Variants in TCF7L2 observed in about 807,000 individuals in gnomAD.
The protein encoded by TCF7L2 is transcription factor 7-like 2.
Under a neutral mutation model 77.9 loss-of-function variants are expected in TCF7L2, and 23 were observed. That is an observed-to-expected ratio of 0.30 (90% CI 0.21 to 0.42). The LOEUF (loss-of-function observed/expected upper bound fraction) is 0.42. Ranked by LOEUF, TCF7L2 falls within the 10% of genes least tolerant of loss-of-function variation. TCF7L2 has a pLI of 1.00. For missense variants in TCF7L2, 654 were observed against 793.1 expected, an observed-to-expected ratio of 0.82 and a Z score of 2.11; for synonymous variants, 413 against 340.2, an observed-to-expected ratio of 1.21 and a Z score of -2.36.
intron 5 of TCF7L2, among the ~76,000 whole-genome samples, chr10:113,053,541 C>T (rs560399744): frequency 2.9e-4 from 44 of 152,194 alleles, no homozygotes; most frequent in African/African-American, 4.3e-4. Flanking sequence ...AATGATAGAC[C>T]GGAGCTTTGG....
intron 5 of TCF7L2, among the ~76,000 whole-genome samples, chr10:113,124,467 A>G (rs1007524961): frequency 6.6e-6 from 1 of 152,140 alleles, no homozygotes; most frequent in African/African-American, 2.4e-5. Flanking sequence ...TTAAAATACG[A>G]AAAGGGGGGT....
intron 5 of TCF7L2, among the ~76,000 whole-genome samples, chr10:113,051,284 C>G (rs1409211879): frequency 2.0e-5 from 3 of 151,778 alleles, no homozygotes. Context: ...ATGGAGGACC[C>G]TCATTTGTAG....
intron 11 of TCF7L2, among the ~76,000 whole-genome samples, chr10:113,152,699 A>G (rs904438466): frequency 1.3e-5 from 2 of 152,102 alleles, no homozygotes; most frequent in African/African-American, 2.4e-5. Flanking sequence ...CTCAGGACCA[A>G]TGAGGTTGAT....
intron 5 of TCF7L2, among the ~76,000 whole-genome samples, chr10:113,070,846 G>T (rs113743540): frequency 0.011 from 1,621 of 152,252 alleles, 12 homozygotes; most frequent in South Asian, 0.025. Flanking sequence ...GGTTGTAGTA[G>T]ATTCAGGAGT....
At chr10:113,129,223 G>T in intron 5 of TCF7L2, 1 of 759,884 alleles carries the variant, frequency 1.3e-6, no homozygotes, top group Non-Finnish European at 1.6e-6. Context: ...CTCTCCCATC[G>T]CAGCCCTCTC....
intron 13 of TCF7L2, among the ~76,000 whole-genome samples, chr10:113,165,132 C>T (rs149973845): frequency 2.0e-3 from 304 of 152,200 alleles, no homozygotes; most frequent in African/African-American, 7.0e-3. Flanking sequence ...AGTGAAGGGC[C>T]GAGGAAACTT....
intron 3 of TCF7L2, among the ~76,000 whole-genome samples, chr10:112,956,995 C>A (rs1050177996): frequency 6.6e-6 from 1 of 152,108 alleles, no homozygotes; most frequent in Non-Finnish European, 1.5e-5. Context: ...CCTTTGGCAG[C>A]TGACTTGTAC....
intron 5 of TCF7L2, among the ~76,000 whole-genome samples, chr10:113,063,124 C>T (rs2056738251): frequency 6.6e-6 from 1 of 152,098 alleles, no homozygotes; most frequent in Admixed American, 6.6e-5. Context: ...TTATACCGTG[C>T]CTGTAATCTC....
chr10:112,991,201 GAGGT>G (rs2135456233), intron 4 of TCF7L2, among the ~76,000 whole-genome samples: 1 of 152,282 alleles, frequency 6.6e-6, no homozygotes, highest in East Asian at 1.9e-4. Flanking sequence ...GTATCCATGT[GAGGT>G]TGTACCCCCA....
chr10:112,983,518 T>C (rs2040902602), intron 4 of TCF7L2, among the ~76,000 whole-genome samples: 1 of 152,160 alleles, frequency 6.6e-6, no homozygotes, highest in Non-Finnish European at 1.5e-5. Context: ...AGTCATCCTT[T>C]TCAGTTCTCA....
chr10:113,128,026 A>C (rs897937694), intron 5 of TCF7L2, among the ~76,000 whole-genome samples: 2 of 152,132 alleles, frequency 1.3e-5, no homozygotes, highest in Non-Finnish European at 2.9e-5. Context: ...CAGTTTACTT[A>C]AGAAATTGCG....
chr10:112,960,799 T>A (rs2034887978), intron 3 of TCF7L2, among the ~76,000 whole-genome samples: 1 of 151,914 alleles, frequency 6.6e-6, no homozygotes, highest in African/African-American at 2.4e-5. Context: ...GCAATTCTCC[T>A]GCCTCAGCCT....
chr10:112,972,081 A>G (rs1484917045), intron 4 of TCF7L2, among the ~76,000 whole-genome samples: 1 of 152,052 alleles, frequency 6.6e-6, no homozygotes, highest in Admixed American at 6.6e-5. Flanking sequence ...TGTGATTTTC[A>G]ACCTATTGAA....
intron 5 of TCF7L2, among the ~76,000 whole-genome samples, chr10:113,130,651 T>C (rs2066434670): frequency 6.6e-6 from 1 of 152,176 alleles, no homozygotes; most frequent in South Asian, 2.1e-4. Flanking sequence ...TGACAGCTCA[T>C]TGTGCTGTTA....
At chr10:113,059,685 A>T (rs994359339) in intron 5 of TCF7L2, among the ~76,000 whole-genome samples, 1 of 152,170 alleles carries the variant, frequency 6.6e-6, no homozygotes, top group Non-Finnish European at 1.5e-5. Flanking sequence ...ACAATGTCTC[A>T]ATTGTTCCTT....
At chr10:113,149,498 C>T (rs937829844) in intron 8 of TCF7L2, among the ~76,000 whole-genome samples, 3 of 152,224 alleles carry the variant, frequency 2.0e-5, no homozygotes, top group Non-Finnish European at 2.9e-5. Context: ...CATTAACTTT[C>T]CTTCCTCTGT....
intron 5 of TCF7L2, among the ~76,000 whole-genome samples, chr10:113,088,082 G>T (rs1352510245): frequency 1.3e-5 from 2 of 152,056 alleles, no homozygotes; most frequent in African/African-American, 4.8e-5. Context: ...AATCGTTCAT[G>T]GAGTTTTTCT....
chr10:113,025,830 T>C (rs2049050649), intron 4 of TCF7L2, among the ~76,000 whole-genome samples: 1 of 152,118 alleles, frequency 6.6e-6, no homozygotes, highest in African/African-American at 2.4e-5. Context: ...CCGCAGATTC[T>C]GAATTTGAAC....
chr10:113,029,557 G>A (rs1221263450), intron 4 of TCF7L2, among the ~76,000 whole-genome samples: 3 of 128,178 alleles, frequency 2.3e-5, no homozygotes, highest in Middle Eastern at 4.3e-3. Context: ...ATGGAATTTC[G>A]CTTTTGTGGC....
Sources: allele counts gnomAD v4.1 joint callset (sites outside exome capture counted in the v4.1 genomes callset), GRCh38; gene constraint gnomAD v4.1.1; transcripts MANE v1.5; gene names NCBI Gene and HGNC (gene_info 2026-07-23, HGNC 2026-07-21).